Variants in PIK3R5 observed in about 807,000 individuals in gnomAD.
PIK3R5 encodes the protein phosphoinositide-3-kinase regulatory subunit 5.
A neutral mutation model predicts 94.9 loss-of-function variants in PIK3R5; 32 were observed. The ratio of observed to expected loss-of-function variants is 0.34; its 90% CI spans 0.25 to 0.45. The LOEUF (loss-of-function observed/expected upper bound fraction) is 0.45. Ranked by LOEUF, PIK3R5 falls within the 20% of genes least tolerant of loss-of-function variation. The pLI is 1.00. For missense variants in PIK3R5, 853 were observed against 1,144.6 expected, an observed-to-expected ratio of 0.75 and a Z score of 3.68; for synonymous variants, 443 against 479.4, an observed-to-expected ratio of 0.92 and a Z score of 0.99.
intron 5 of PIK3R5, among the ~76,000 whole-genome samples, chr17:8,894,088 G>A (rs2090091548): frequency 2.0e-5 from 3 of 152,222 alleles, no homozygotes; most frequent in Admixed American, 2.0e-4. Context: ...GCCTTGGCCA[G>A]GTCACTTTAG....
rs753807085 is a variant in PIK3R5 at position 8,896,121 on chromosome 17, G to A, written c.413-2466C>T. On this transcript the variant is annotated intron_variant, in intron 5 of 18. Transcript: ENST00000447110. The surrounding 1 kb of genome is among the most constrained non-coding windows in gnomAD (Gnocchi z 4.0). Reference sequence around the variant, plus strand: ...GTACAGACTGACTCCTTTGAGCCTGGCTTAGAGATTGTACTGCCGAGTCCC... The same window carrying A: ...GTACAGACTGACTCCTTTGAGCCTGACTTAGAGATTGTACTGCCGAGTCCC... Among the ~76,000 whole-genome samples the A allele has an allele frequency of 1.3e-5, 2 of 152,176 alleles. No individual in the cohort carries two copies. The highest frequency in any genetic ancestry group is 4.8e-5 in the African/African-American group (2 of 41,440).
chr17:8,906,721 A>G (rs1051800045), intron 3 of PIK3R5, among the ~76,000 whole-genome samples: 1 of 152,126 alleles, frequency 6.6e-6, no homozygotes, highest in African/African-American at 2.4e-5. Context: ...CATCTGTACT[A>G]AAAATACAAA....
intron 1 of PIK3R5, among the ~76,000 whole-genome samples, chr17:8,917,097 C>T (rs151306206): frequency 2.1e-4 from 32 of 152,240 alleles, no homozygotes; most frequent in African/African-American, 6.0e-4. Context: ...GAATCTCCAC[C>T]GTGACCTAAG....
At position 8,888,379 on chromosome 17, in the gene PIK3R5, G is replaced by A; in HGVS notation, c.1408C>T (p.Pro470Ser). Residue 470 changes from proline to serine, a missense_variant, in exon 10 of 19, where the codon CCT becomes TCT. Coordinates refer to ENST00000447110, the MANE Select transcript of PIK3R5 (RefSeq NM_001142633.3). This position sits in a 1 kb window ranked among gnomAD's most constrained non-coding sequence, Gnocchi z 7.8. ...GAGCGGGAGCGCTGGGCCCGGGAAG[G>A]GGGTGATACTGGTTCGTCCAGGGGG... ...CSPLDEPVSPPSRAQRSRSLP... is the reference protein window; with the variant it reads ...CSPLDEPVSPSSRAQRSRSLP... The A allele has an allele frequency of 6.2e-7, 1 of 1,607,034 alleles. No homozygotes were observed. Among genetic ancestry groups the A allele is most frequent in the South Asian group, 1.1e-5 (1 of 90,620 alleles).
intron 1 of PIK3R5, among the ~76,000 whole-genome samples, chr17:8,937,461 C>G (rs2091096165): frequency 1.3e-5 from 2 of 152,152 alleles, no homozygotes; most frequent in Admixed American, 1.3e-4. Context: ...GGGTATTGGA[C>G]TTTATCAAAT....
Position 8,884,312 on chromosome 17 carries a change from TCACGCCAATCC to T in PIK3R5, c.2205+384_2205+394del, listed in dbSNP as rs1220332044. On this transcript the variant is annotated intron_variant, in intron 15 of 18. Coordinates refer to ENST00000447110, the MANE Select transcript of PIK3R5 (RefSeq NM_001142633.3). The surrounding 1 kb of genome is among the most constrained non-coding windows in gnomAD (Gnocchi z 5.8). Reference sequence around the variant, plus strand: ...CCCCACAGCTCTCCTCACTCCTTTCTCACGCCAATCCCATCTTGCATGCAGCCTGCCAGGCA... The same window carrying T: ...CCCCACAGCTCTCCTCACTCCTTTCTCATCTTGCATGCAGCCTGCCAGGCA... 1.3e-5 allele frequency among the ~76,000 whole-genome samples: 2 copies of T among 151,960 alleles called. No individual in the cohort carries two copies.
intron 5 of PIK3R5, among the ~76,000 whole-genome samples, chr17:8,900,651 A>G (rs1335234114): frequency 1.3e-5 from 2 of 152,194 alleles, no homozygotes; most frequent in African/African-American, 4.8e-5. Context: ...CTCTGAGGCC[A>G]AAGGACCCTC....
At chr17:8,961,610 G>A (rs1285741901) in intron 1 of PIK3R5, among the ~76,000 whole-genome samples, 6 of 152,032 alleles carry the variant, frequency 3.9e-5, no homozygotes, top group South Asian at 4.1e-4. Flanking sequence ...ATTCCGTCCC[G>A]TGTGACAAGA....
intron 1 of PIK3R5, among the ~76,000 whole-genome samples, chr17:8,919,317 A>C (rs1176755835): frequency 1.3e-5 from 2 of 152,210 alleles, no homozygotes; most frequent in African/African-American, 4.8e-5. Flanking sequence ...GACCTTTTAT[A>C]TATTTACATA....
chr17:8,887,551 C>G lies in PIK3R5; in HGVS notation c.1749G>C (p.Pro583=). ...GGCTGGCGTGCCTAGGGGAGTCTGT[C>G]GGGGGTGAGGGCGTCTGGCTCCGAG... is the stretch of plus-strand genomic sequence containing the variant. ...PPPRSQTPSP[P]TDSPRHASPG... Residue 583 remains proline (P), a synonymous_variant, in exon 11 of 19, where the codon CCG becomes CCC. Coordinates refer to ENST00000447110, the MANE Select transcript of PIK3R5 (RefSeq NM_001142633.3). 7 of 1,607,664 alleles carry G rather than the reference C, an allele frequency of 4.4e-6. No individual in the cohort carries two copies. Among genetic ancestry groups the G allele is most frequent in the Non-Finnish European group, 5.1e-6 (6 of 1,177,352 alleles).
At chr17:8,907,882 C>T (rs61759578) in intron 3 of PIK3R5, among the ~76,000 whole-genome samples, 7,937 of 152,250 alleles carry the variant, frequency 0.052, 690 homozygotes, top group African/African-American at 0.18. Flanking sequence ...AAGGATTTCT[C>T]CCACCTGAGT....
rs750736462 is a variant in PIK3R5, at chr17:8,888,214, C to T, written c.1573G>A (p.Asp525Asn). The change falls in exon 10 of 19, where the codon GAT (aspartate) becomes AAT (asparagine). Residue 525 changes from aspartate (D) to asparagine (N), a missense_variant. Around this residue, in one of 6 missense-constraint regions of PIK3R5, gnomAD observed 319 missense variants for 339.8 expected, o/e 0.94. Transcript: ENST00000447110. This position sits in a 1 kb window ranked among gnomAD's most constrained non-coding sequence, Gnocchi z 7.8. ...STLRVVVFGS[D>N]RISGKVARAY... is the part of the protein sequence containing the mutation. ...CGAGCCACCTTCCCTGAAATCCGATCGGAGCCAAAGACCACAACACGTAGC... is the reference window on the plus strand; with the variant it reads ...CGAGCCACCTTCCCTGAAATCCGATTGGAGCCAAAGACCACAACACGTAGC... The T allele has an allele frequency of 7.4e-6, 12 of 1,613,458 alleles. No individual in the cohort carries two copies. In the East Asian group the frequency reaches 8.9e-5, roughly 12 times the overall value.
rs180880921 is a variant in PIK3R5 at position 8,949,560 on chromosome 17, C to T, written c.-14+16036G>A. ...ACAGAGACAGATTAGAAAATGTTGT[C>T]GTCATCGTGAGGAACAGAAAAAGAA... is the stretch of plus-strand genomic sequence containing the variant. On this transcript the variant is annotated intron_variant, in intron 1 of 18. Transcript: ENST00000447110. Among the ~76,000 whole-genome samples, 817 of 150,166 alleles carry T rather than the reference C, an allele frequency of 5.4e-3. 13 individuals carry two copies. The highest frequency in any genetic ancestry group is 6.1e-3 in the Admixed American group (92 of 15,194).
At chr17:8,941,507 G>C (rs1482531404) in intron 1 of PIK3R5, among the ~76,000 whole-genome samples, 1 of 152,054 alleles carries the variant, frequency 6.6e-6, no homozygotes, top group African/African-American at 2.4e-5. Flanking sequence ...AAACAAAAAA[G>C]TCAAAATGTA....
At chr17:8,912,494 G>A (rs1234106699) in intron 1 of PIK3R5, 1 of 152,262 alleles carries the variant, frequency 6.6e-6, no homozygotes, top group Non-Finnish European at 1.5e-5. Flanking sequence ...ATAAAATGCT[G>A]TAGCAGATGC....
intron 1 of PIK3R5, among the ~76,000 whole-genome samples, chr17:8,932,649 A>C (rs76687793): frequency 0.01 from 1,579 of 152,372 alleles, 15 homozygotes; most frequent in Non-Finnish European, 0.016. Context: ...TGCAAGAATA[A>C]GATCAGTGAA....
In PIK3R5 at chr17:8,890,824, T is replaced by C. The variant is rs1315612963; in HGVS notation, c.571A>G (p.Ser191Gly). ...KLSTPGHSPH[S>G]AYTTLLLHAF... Reference sequence around the variant, plus strand: ...TGCAGGAGCAGGGTGGTGTAGGCACTGTGAGGCGAGTGTCCGGGCGTACTC... The same window carrying C: ...TGCAGGAGCAGGGTGGTGTAGGCACCGTGAGGCGAGTGTCCGGGCGTACTC... Residue 191 changes from serine (S) to glycine (G), a missense_variant, in exon 7 of 19, where the codon AGT becomes GGT. By Grantham distance (56) the Ser-to-Gly change is moderately conservative. Around this residue, in one of 6 missense-constraint regions of PIK3R5, gnomAD observed 161 missense variants for 249.5 expected, o/e 0.65. Transcript: ENST00000447110. The surrounding 1 kb of genome is among the most constrained non-coding windows in gnomAD (Gnocchi z 6.1). The C allele has an allele frequency of 2.5e-6, 4 of 1,613,318 alleles. No homozygotes were observed. The highest frequency in any genetic ancestry group is 2.7e-5 in the African/African-American group (2 of 74,916).
At chr17:8,880,818 G>A in intron 18 of PIK3R5, 32 bp from the exon 19 acceptor site, 1 of 1,612,946 alleles carries the variant, frequency 6.2e-7, no homozygotes, top group Non-Finnish European at 8.5e-7. Flanking sequence ...AGGGATCAGA[G>A]CAGGCCCCCA....
At chr17:8,939,135 A>G (rs529943316) in intron 1 of PIK3R5, among the ~76,000 whole-genome samples, 1 of 152,266 alleles carries the variant, frequency 6.6e-6, no homozygotes, top group East Asian at 1.9e-4. Context: ...TCTCTGTTTT[A>G]CACATAAGGA....
Sources: allele counts gnomAD v4.1 joint callset (sites outside exome capture counted in the v4.1 genomes callset), GRCh38; gene constraint gnomAD v4.1.1; regional missense constraint gnomAD v4.1.1; non-coding constraint Gnocchi (gnomAD v3.1); transcripts MANE v1.5; gene names NCBI Gene and HGNC (gene_info 2026-07-23, HGNC 2026-07-21).